The following TFCP2 variants were observed in gnomAD, a reference collection of about 807,000 sequenced individuals.
TFCP2 encodes transcription factor CP2.
Under a neutral mutation model 73.4 loss-of-function variants are expected in TFCP2, and 33 were observed. The observed-to-expected ratio is 0.45, with a 90% CI of 0.34 to 0.60. TFCP2 has a LOEUF of 0.60. Among genes scored for constraint, TFCP2 ranks in the 20% least tolerant of loss-of-function variants. TFCP2 has a pLI of 0.01. For missense variants in TFCP2, 352 were observed against 604.0 expected, an observed-to-expected ratio of 0.58 and a Z score of 4.37; for synonymous variants, 193 against 211.6, an observed-to-expected ratio of 0.91 and a Z score of 0.76.
intron 1 of TFCP2, among the ~76,000 whole-genome samples, chr12:51,159,823 T>C (rs763212199): frequency 4.6e-5 from 7 of 152,104 alleles, no homozygotes; most frequent in Admixed American, 6.6e-5. Flanking sequence ...CTGCCCACCT[T>C]AGGTTCCACA....
intron 1 of TFCP2, among the ~76,000 whole-genome samples, chr12:51,151,561 C>A (rs192651141): frequency 1.6e-4 from 25 of 152,242 alleles, no homozygotes; most frequent in Non-Finnish European, 4.4e-5. Context: ...CTCAGCCTCT[C>A]AAGTAGCTAG....
intron 1 of TFCP2, among the ~76,000 whole-genome samples, chr12:51,160,370 C>T (rs536341973): frequency 6.6e-6 from 1 of 152,010 alleles, no homozygotes; most frequent in Admixed American, 6.6e-5. Flanking sequence ...CTCCTGACCT[C>T]GTGATCCACC....
chr12:51,151,358 C>T (rs908812136), intron 1 of TFCP2, among the ~76,000 whole-genome samples: 2 of 152,146 alleles, frequency 1.3e-5, no homozygotes, highest in African/African-American at 4.8e-5. Flanking sequence ...TAATTTATCA[C>T]TAAAACAGGT....
chr12:51,144,624 A>G (rs1941255224), intron 1 of TFCP2, among the ~76,000 whole-genome samples: 1 of 152,220 alleles, frequency 6.6e-6, no homozygotes, highest in South Asian at 2.1e-4. Context: ...TTTGTAGGTG[A>G]AAAAAATGGA....
In TFCP2 at chr12:51,107,317, C is replaced by T. The variant is rs760205763; in HGVS notation, c.747G>A (p.Thr249=). 4.2e-5 allele frequency: 67 copies of T among 1,612,632 alleles called. No homozygotes were observed. Among genetic ancestry groups the T allele is most frequent in the Middle Eastern group, 1.6e-4 (1 of 6,080 alleles). Residue 249 remains threonine (T), a synonymous_variant, in exon 7 of 15, where the codon ACG becomes ACA. Transcript: ENST00000257915. The stretch of plus-strand genomic sequence containing the variant: ...TTCGTTTCTCCATTTTTTCCCTATC[C>T]GTTTTTTGCTTTCTGTCTGCACCTT... ...KPKGADRKQK[T]DREKMEKRTP...
intron 6 of TFCP2, among the ~76,000 whole-genome samples, chr12:51,108,591 T>G (rs1940315900): frequency 6.6e-6 from 1 of 151,942 alleles, no homozygotes; most frequent in Admixed American, 6.6e-5. Context: ...CTGGGCAACA[T>G]GGCAAGACCC....
intron 1 of TFCP2, among the ~76,000 whole-genome samples, chr12:51,134,968 G>A (rs1941029163): frequency 6.6e-6 from 1 of 152,166 alleles, no homozygotes; most frequent in Non-Finnish European, 1.5e-5. Context: ...AAATTAGCCA[G>A]GCATAGTGGT....
intron 1 of TFCP2, among the ~76,000 whole-genome samples, chr12:51,137,146 G>A (rs1467589222): frequency 2.0e-5 from 3 of 152,038 alleles, no homozygotes; most frequent in Non-Finnish European, 4.4e-5. Context: ...ACGATTATGA[G>A]ATCAGTTTAG....
At chr12:51,147,867 G>T (rs1941331772) in intron 1 of TFCP2, among the ~76,000 whole-genome samples, 1 of 151,950 alleles carries the variant, frequency 6.6e-6, no homozygotes, top group African/African-American at 2.4e-5. Flanking sequence ...CCACAGAGTG[G>T]GAGAAAATCA....
chr12:51,114,047 A>C (rs1428945004), intron 4 of TFCP2, among the ~76,000 whole-genome samples: 1 of 152,180 alleles, frequency 6.6e-6, no homozygotes, highest in African/African-American at 2.4e-5. Context: ...GATTTCTTGG[A>C]TGTGGCACCA....
chr12:51,129,314 C>G (rs577437402), intron 1 of TFCP2, among the ~76,000 whole-genome samples: 1 of 151,858 alleles, frequency 6.6e-6, no homozygotes, highest in South Asian at 2.1e-4. Context: ...GAGTTTGAGA[C>G]CAGCCCGGCC....
chr12:51,138,528 G>A (rs1388412125), intron 1 of TFCP2, among the ~76,000 whole-genome samples: 2 of 152,050 alleles, frequency 1.3e-5, no homozygotes, highest in Admixed American at 6.6e-5. Flanking sequence ...AGAATAGTTA[G>A]TCCTATGAAA....
chr12:51,148,392 C>T (rs1361307019), intron 1 of TFCP2, among the ~76,000 whole-genome samples: 1 of 152,164 alleles, frequency 6.6e-6, no homozygotes, highest in Non-Finnish European at 1.5e-5. Context: ...CCCAAATGCC[C>T]ATCAACAAGT....
At chr12:51,146,084 G>A (rs533612169) in intron 1 of TFCP2, among the ~76,000 whole-genome samples, 1 of 151,800 alleles carries the variant, frequency 6.6e-6, no homozygotes, top group South Asian at 2.1e-4. Context: ...ATATTTTTGA[G>A]GCTGGCCATA....
At chr12:51,132,357 C>CTTTTTT (rs869123355) in intron 1 of TFCP2, among the ~76,000 whole-genome samples, 771 of 61,762 alleles carry the variant, frequency 0.012, 246 homozygotes, top group African/African-American at 0.027. Flanking sequence ...AGGGATTAGT[C>CTTTTTT]TTTTTTTTTT....
chr12:51,106,466 G>A, intron 8 of TFCP2, 59 bp downstream of exon 8: 6 of 1,250,262 alleles, frequency 4.8e-6, no homozygotes, highest in South Asian at 1.3e-5. Context: ...TTTATGAACA[G>A]GTAATGAAAG....
At chr12:51,111,675 G>A (rs976324557) in intron 4 of TFCP2, among the ~76,000 whole-genome samples, 4 of 151,574 alleles carry the variant, frequency 2.6e-5, no homozygotes, top group Non-Finnish European at 4.4e-5. Context: ...CCAACATGAC[G>A]TAACCTCATC....
At position 51,095,773 on chromosome 12, in the gene TFCP2, C is replaced by T. The variant is rs182541786; in HGVS notation, c.1471+216G>A. On this transcript the variant is annotated intron_variant, in intron 14 of 14. Coordinates refer to ENST00000257915, the MANE Select transcript of TFCP2 (RefSeq NM_005653.5). ...AGGTTGTAGTGAGCCGAGATCATGCCACTGCACTCCAGCCTGGGCAACAGA... is the reference window on the plus strand; with the variant it reads ...AGGTTGTAGTGAGCCGAGATCATGCTACTGCACTCCAGCCTGGGCAACAGA... Among the ~76,000 whole-genome samples the T allele has an allele frequency of 5.7e-4, 77 of 136,188 alleles. 1 individual carries two copies. The South Asian group carries it at 0.015, about 27-fold the overall frequency. 89.3% of individuals were successfully genotyped at this position (136,188 alleles called of 152,430 possible).
At chr12:51,123,018 G>A (rs1184030953) in intron 1 of TFCP2, among the ~76,000 whole-genome samples, 2 of 152,154 alleles carry the variant, frequency 1.3e-5, no homozygotes, top group Admixed American at 1.3e-4. Flanking sequence ...TATGAATGTA[G>A]GGTGGTTATT....
Sources: allele counts gnomAD v4.1 joint callset (sites outside exome capture counted in the v4.1 genomes callset), GRCh38; gene constraint gnomAD v4.1.1; transcripts MANE v1.5; gene names NCBI Gene and HGNC (gene_info 2026-07-23, HGNC 2026-07-21).